SUSD1: variants seen among roughly 807,000 people sequenced by gnomAD.
The protein encoded by SUSD1 is sushi domain containing 1.
In SUSD1, 65 loss-of-function variants were observed where a neutral mutation model predicts 86.9. The ratio of observed to expected loss-of-function variants is 0.75; its 90% CI spans 0.61 to 0.92. SUSD1 has a LOEUF of 0.92. Among genes scored for constraint, SUSD1 ranks in the 40% least tolerant of loss-of-function variants. The probability of loss-of-function intolerance (pLI) is 0.00; values close to 1 mark genes in which losing one functional copy is unlikely to be tolerated. For missense variants in SUSD1, 850 were observed against 929.7 expected, an observed-to-expected ratio of 0.91 and a Z score of 1.11; for synonymous variants, 346 against 350.0, an observed-to-expected ratio of 0.99 and a Z score of 0.13.
At chr9:112,152,751 CT>C (rs71382410) in intron 2 of SUSD1, among the ~76,000 whole-genome samples, 179 of 87,482 alleles carry the variant, frequency 2.0e-3, no homozygotes, top group African/African-American at 5.7e-3. Context: ...TTTTTTTAAT[CT>C]TTTTTTTTTT....
rs562427006 is a variant in SUSD1 at position 112,068,426 on chromosome 9, C to T, written c.1754-5393G>A. On this transcript the variant is annotated intron_variant, in intron 12 of 16. Coordinates refer to ENST00000374270, the MANE Select transcript of SUSD1 (RefSeq NM_022486.5). ...TAAGAAGCCATTGAAAGATTTTTAGCAGGCTGGGTGCACTGGCTCATGCCT... is the reference window on the plus strand; with the variant it reads ...TAAGAAGCCATTGAAAGATTTTTAGTAGGCTGGGTGCACTGGCTCATGCCT... 3.9e-5 allele frequency among the ~76,000 whole-genome samples: 6 copies of T among 152,240 alleles called. No homozygotes were observed. The South Asian group carries it at 1.2e-3, about 32-fold the overall frequency.
At chr9:112,078,505 T>C (rs375286569) in intron 12 of SUSD1, 33 bp downstream of exon 12, 12 of 1,584,136 alleles carry the variant, frequency 7.6e-6, no homozygotes, top group Non-Finnish European at 1.0e-5. Context: ...TGTGGTAACT[T>C]TGTTAATCCA....
At chr9:112,125,290 TA>T (rs1383428838) in intron 5 of SUSD1, among the ~76,000 whole-genome samples, 6 of 152,168 alleles carry the variant, frequency 3.9e-5, no homozygotes, top group Non-Finnish European at 8.8e-5. Context: ...GAGCTTGACA[TA>T]ACTATTAGTA....
intron 15 of SUSD1, among the ~76,000 whole-genome samples, chr9:112,051,408 C>CTTTTTTTTTTTTTTTTTTTTTT (rs746946192): frequency 1.3e-4 from 10 of 77,040 alleles, no homozygotes; most frequent in Admixed American, 1.6e-4. Context: ...TTTTTCTTTT[C>CTTTTTTTTTTTTTTTTTTTTTT]TTTTTTTTTT....
intron 10 of SUSD1, among the ~76,000 whole-genome samples, chr9:112,085,575 C>A (rs184641133): frequency 6.6e-6 from 1 of 152,250 alleles, no homozygotes; most frequent in East Asian, 1.9e-4. Flanking sequence ...CAAACTACTA[C>A]CTATACTTCC....
At chr9:112,149,588 T>C (rs1832958913) in intron 2 of SUSD1, among the ~76,000 whole-genome samples, 189 bp from the exon 3 acceptor site, 3 of 152,216 alleles carry the variant, frequency 2.0e-5, no homozygotes, top group African/African-American at 4.8e-5. Flanking sequence ...CTCGTAGTTA[T>C]GTGCCAGGAG....
intron 12 of SUSD1, among the ~76,000 whole-genome samples, chr9:112,070,259 G>A (rs370793781): frequency 3.4e-4 from 52 of 152,048 alleles, no homozygotes; most frequent in African/African-American, 7.7e-4. Flanking sequence ...CACCTGCCTC[G>A]GCCTCCCAAA....
intron 10 of SUSD1, among the ~76,000 whole-genome samples, chr9:112,085,542 A>C (rs751199964): frequency 2.6e-5 from 4 of 152,248 alleles, no homozygotes; most frequent in Non-Finnish European, 5.9e-5. Context: ...AATTTAGATC[A>C]TCTGACTCCA....
intron 1 of SUSD1, among the ~76,000 whole-genome samples, chr9:112,162,366 T>C (rs997277209): frequency 1.3e-5 from 2 of 152,122 alleles, no homozygotes; most frequent in African/African-American, 4.8e-5. Context: ...CATGATGCCA[T>C]TGAGAGATGG....
At chr9:112,132,140 T>C (rs1221164093) in intron 5 of SUSD1, among the ~76,000 whole-genome samples, 1 of 152,202 alleles carries the variant, frequency 6.6e-6, no homozygotes, top group Non-Finnish European at 1.5e-5. Flanking sequence ...ATGTCACCCA[T>C]ATTGGCTGCT....
At chr9:112,050,688 C>G (rs550684799) in intron 15 of SUSD1, among the ~76,000 whole-genome samples, 1 of 152,128 alleles carries the variant, frequency 6.6e-6, no homozygotes, top group African/African-American at 2.4e-5. Flanking sequence ...ACAAACCACA[C>G]GGAAAAGGTC....
Position 112,170,710 on chromosome 9 carries a change from T to TATATATATAG in SUSD1, c.103+4422_103+4423insCTATATATAT, listed in dbSNP as rs758442726. On this transcript the variant is annotated intron_variant, in intron 1 of 16. Coordinates refer to ENST00000374270, the MANE Select transcript of SUSD1 (RefSeq NM_022486.5). ...GCCAGATCATATATATATATATATA[T>TATATATATAG]AGAGAGAGAGAGAGAGAGAGAGAGA... 3.8e-3 allele frequency among the ~76,000 whole-genome samples: 429 copies of TATATATATAG among 113,786 alleles called. 1 individual carries two copies. Among genetic ancestry groups the TATATATATAG allele is most frequent in the Middle Eastern group, 0.017 (4 of 242 alleles). The allele number at this position is 113,786 out of a possible 152,430, so 74.6% of individuals were successfully genotyped here.
At chr9:112,047,058 C>T (rs924878303) in intron 15 of SUSD1, among the ~76,000 whole-genome samples, 10 of 152,080 alleles carry the variant, frequency 6.6e-5, no homozygotes, top group Admixed American at 6.6e-4. Context: ...TAAAGAACTA[C>T]CTGAGACTGG....
chr9:112,061,444 G>A (rs1420152764), intron 13 of SUSD1, among the ~76,000 whole-genome samples: 5 of 152,150 alleles, frequency 3.3e-5, no homozygotes, highest in South Asian at 2.1e-4. Flanking sequence ...ACACTCCCTC[G>A]AATGACTCAC....
chr9:112,080,710 GA>G (rs1298014087), intron 10 of SUSD1, among the ~76,000 whole-genome samples: 2 of 147,740 alleles, frequency 1.4e-5, no homozygotes, highest in Non-Finnish European at 3.0e-5. Flanking sequence ...AAAAAGAAAA[GA>G]AAAAGGAAAA....
chr9:112,082,574 T>TG (rs1379045054), intron 10 of SUSD1, among the ~76,000 whole-genome samples: 2 of 152,092 alleles, frequency 1.3e-5, no homozygotes, highest in Non-Finnish European at 2.9e-5. Flanking sequence ...GGAAAGGGCG[T>TG]GGAAATAGAT....
In SUSD1 at chr9:112,041,454, G is replaced by GC. The variant is rs767417499; in HGVS notation, c.*37dup. The GC allele has an allele frequency of 1.3e-6, 1 of 780,988 alleles. No individual in the cohort carries two copies. The highest frequency in any genetic ancestry group is 1.7e-5 in the Admixed American group (1 of 59,040). The allele number at this position is 780,988 out of a possible 1,614,324, so 48.4% of individuals were successfully genotyped here. Reference sequence around the variant, plus strand: ...GAGAAGCTGCCAGAACACCTGCCCAGCAGCAGTGCATCCTCCCCACTCAGT... The same window carrying GC: ...GAGAAGCTGCCAGAACACCTGCCCAGCCAGCAGTGCATCCTCCCCACTCAGT... On this transcript the variant is annotated 3_prime_UTR_variant, in exon 17 of 17. Coordinates refer to ENST00000374270, the MANE Select transcript of SUSD1 (RefSeq NM_022486.5).
intron 8 of SUSD1, among the ~76,000 whole-genome samples, chr9:112,111,191 G>T (rs1246737520): frequency 6.6e-6 from 1 of 152,028 alleles, no homozygotes; most frequent in Admixed American, 6.6e-5. Context: ...ATAAGGTTTT[G>T]CCATGTTGGC....
chr9:112,151,643 T>G (rs1424171568), intron 2 of SUSD1, among the ~76,000 whole-genome samples: 3 of 151,498 alleles, frequency 2.0e-5, no homozygotes, highest in African/African-American at 7.3e-5. Flanking sequence ...GGCTCACGTC[T>G]GTAATCCCAG....
Sources: gnomAD v4.1 joint callset for allele counts (sites outside exome capture counted in the v4.1 genomes callset) on GRCh38, gnomAD v4.1.1 for gene constraint, MANE v1.5 for transcripts, NCBI Gene and HGNC (gene_info 2026-07-23, HGNC 2026-07-21) for gene names.